The following MED23 variants were observed in gnomAD, a reference collection of about 807,000 sequenced individuals.
MED23 encodes mediator of RNA polymerase II transcription subunit 23.
A neutral mutation model predicts 163.9 loss-of-function variants in MED23; 105 were observed. The observed-to-expected ratio is 0.64, with a 90% confidence interval of 0.55 to 0.75. MED23 has a LOEUF of 0.75. Ranked by LOEUF, MED23 falls within the 30% of genes least tolerant of loss-of-function variation. The pLI, the probability that MED23 is intolerant of heterozygous loss-of-function variation, is 0.00. For synonymous variants in MED23, 561 were observed against 565.6 expected (o/e 0.99, Z 0.12); for missense variants, 1,054 against 1,649.0 (o/e 0.64, Z 6.25).
At chr6:131,584,833 A>ACG (rs2114555360), downstream of MED23, among the ~76,000 whole-genome samples, 1 of 151,296 alleles carries the variant, frequency 6.6e-6, no homozygotes, top group South Asian at 2.1e-4. Context: ...ACACACACAC[A>ACG]CACACACACA....
At chr6:131,615,482 C>G (rs958572577) in intron 10 of MED23, 20 of 177,902 alleles carry the variant, frequency 1.1e-4, no homozygotes, top group Middle Eastern at 7.7e-4. Flanking sequence ...GTTAAACCAC[C>G]AAAAACAAGC....
At chr6:131,612,538 A>C (rs1776356838) in intron 10 of MED23, among the ~76,000 whole-genome samples, 1 of 152,150 alleles carries the variant, frequency 6.6e-6, no homozygotes, top group African/African-American at 2.4e-5. Flanking sequence ...GACTGTTCAC[A>C]TCTTGTTTTG....
At chr6:131,584,816 T>TACACACACACACACACACACACACACAC (rs59196638), downstream of MED23, among the ~76,000 whole-genome samples, 3 of 134,042 alleles carry the variant, frequency 2.2e-5, no homozygotes, top group African/African-American at 8.3e-5. Context: ...CTACAAAAAA[T>TACACACACACACACACACACACACACAC]ACACACACAC....
At chr6:131,601,795 A>G (rs115117241) in intron 17 of MED23, among the ~76,000 whole-genome samples, 134 of 152,246 alleles carry the variant, frequency 8.8e-4, no homozygotes, top group African/African-American at 3.0e-3. Context: ...TTATAACATC[A>G]TATATTAACA....
intron 28 of MED23, among the ~76,000 whole-genome samples, chr6:131,588,722 C>T (rs1014345406): frequency 1.3e-5 from 2 of 152,076 alleles, no homozygotes; most frequent in East Asian, 1.9e-4. Context: ...ATCTGTCCTA[C>T]CTCCACTCCT....
chr6:131,613,000 A>G (rs1776392095), intron 10 of MED23, among the ~76,000 whole-genome samples: 1 of 152,162 alleles, frequency 6.6e-6, no homozygotes, highest in Admixed American at 6.5e-5. Flanking sequence ...TTTTAAAATA[A>G]TATCTATTCA....
At chr6:131,574,836 A>C (rs1773536267) in intron 30 of MED23, among the ~76,000 whole-genome samples, 1 of 152,212 alleles carries the variant, frequency 6.6e-6, no homozygotes, top group Non-Finnish European at 1.5e-5. Flanking sequence ...TTTACCTTAC[A>C]GTTGGGTTAA....
upstream of MED23, chr6:131,628,302 G>A (rs900353559): frequency 9.2e-6 from 5 of 543,812 alleles, no homozygotes; most frequent in African/African-American, 1.9e-5. Context: ...GCCACCAGAA[G>A]GTTCCGTCTG....
intron 4 of MED23, 149 bp downstream of exon 4, chr6:131,624,716 C>A: frequency 1.2e-6 from 1 of 858,712 alleles, no homozygotes; most frequent in East Asian, 2.7e-5. Flanking sequence ...CTCCTAGAAA[C>A]TAAAACCTGA....
At chr6:131,581,786 C>T (rs1464485979), downstream of MED23, among the ~76,000 whole-genome samples, 2 of 152,090 alleles carry the variant, frequency 1.3e-5, no homozygotes, top group African/African-American at 4.8e-5. Flanking sequence ...CTGAGTAGTC[C>T]TTCTATATCA....
At chr6:131,620,400 C>T (rs1777007548) in intron 7 of MED23, among the ~76,000 whole-genome samples, 1 of 152,162 alleles carries the variant, frequency 6.6e-6, no homozygotes. Context: ...AATCCTCCCA[C>T]CTCAGCTCCT....
chr6:131,609,200 A>G (rs1562391550), intron 11 of MED23, among the ~76,000 whole-genome samples: 1 of 152,158 alleles, frequency 6.6e-6, no homozygotes, highest in Non-Finnish European at 1.5e-5. Flanking sequence ...TCCAACTTGC[A>G]TATGATGATG....
chr6:131,590,298 C>T (rs1405906423), intron 27 of MED23, 24 bp downstream of exon 27: 2 of 1,604,642 alleles, frequency 1.2e-6, no homozygotes, highest in East Asian at 2.2e-5. Context: ...AATCATGTCA[C>T]AGGAAACCCA....
downstream of MED23, among the ~76,000 whole-genome samples, chr6:131,584,616 T>C (rs2114554595): frequency 6.6e-6 from 1 of 152,264 alleles, no homozygotes; most frequent in South Asian, 2.1e-4. Flanking sequence ...GTTTTACTTT[T>C]TCTAAACCTC....
Position 131,615,987 on chromosome 6 carries a change from G to A in MED23, c.796C>T (p.Gln266Ter), listed in dbSNP as rs1156598146. 10 of 1,613,036 alleles carry A rather than the reference G, an allele frequency of 6.2e-6. No homozygotes were observed. The highest frequency in any genetic ancestry group is 8.5e-6 in the Non-Finnish European group (10 of 1,179,356). ...AATACATATCTCAACAAAGCAGTCTGTGGTTCAAACAGATCCTTTAAAGAA... is the reference window on the plus strand; with the variant it reads ...AATACATATCTCAACAAAGCAGTCTATGGTTCAAACAGATCCTTTAAAGAA... Reference protein sequence around the residue: ...LPYDKDLFEPQTALLRYVLEQ... With the variant: ...LPYDKDLFEP Residue 266 changes from glutamine (Q) to a stop codon, truncating the protein, a stop_gained, in exon 10 of 29, where the codon CAG (glutamine) becomes TAG (stop). Coordinates refer to ENST00000368068, the MANE Select transcript of MED23 (RefSeq NM_004830.4). LOFTEE classifies it high-confidence loss of function.
chr6:131,596,283 T>A, intron 21 of MED23, 120 bp from the exon 22 acceptor site: 2 of 968,610 alleles, frequency 2.1e-6, no homozygotes, highest in Non-Finnish European at 3.2e-6. Flanking sequence ...AAATTATACT[T>A]GATTATACTT....
intron 10 of MED23, among the ~76,000 whole-genome samples, chr6:131,612,731 C>T (rs557427732): frequency 6.6e-6 from 1 of 152,160 alleles, no homozygotes; most frequent in Non-Finnish European, 1.5e-5. Flanking sequence ...TTAATATTTT[C>T]AGCTTTGATA....
chr6:131,592,931 T>G, intron 24 of MED23, 75 bp downstream of exon 24: 1 of 1,571,130 alleles, frequency 6.4e-7, no homozygotes, highest in Non-Finnish European at 8.7e-7. Context: ...CAGGTTTGTC[T>G]TAAAAGTTTG....
rs188388656 is a variant in MED23 at position 131,607,502 on chromosome 6, G to A, written c.1221+426C>T. ...GGAGGTTGCAGTGAGCTGAGATCAC[G>A]CCACTGCACTCCAGCCTGGGTGACA... On this transcript the variant is annotated intron_variant, in intron 12 of 28. Transcript: ENST00000368068. 7.2e-4 allele frequency among the ~76,000 whole-genome samples: 110 copies of A among 151,992 alleles called. No individual in the cohort carries two copies. The East Asian group carries it at 0.011, about 15-fold the overall frequency.
Sources: allele counts gnomAD v4.1 joint callset (sites outside exome capture counted in the v4.1 genomes callset), GRCh38; gene constraint gnomAD v4.1.1; transcripts MANE v1.5; gene names NCBI Gene and HGNC (gene_info 2026-07-23, HGNC 2026-07-21).